Variants in SEL1L3 observed in about 807,000 individuals in gnomAD.
SEL1L3 encodes the protein protein sel-1 homolog 3.
SEL1L3 carries 76 observed loss-of-function variants against 142.8 expected under a neutral mutation model. The ratio of observed to expected loss-of-function variants is 0.53; its 90% confidence interval spans 0.44 to 0.64. SEL1L3 has a LOEUF of 0.64. Among genes scored for constraint, SEL1L3 ranks in the 30% least tolerant of loss-of-function variants. The pLI is 0.00. For synonymous variants in SEL1L3, 504 were observed against 519.6 expected (o/e 0.97, Z 0.41); for missense variants, 1,262 against 1,381.7 (o/e 0.91, Z 1.37).
downstream of SEL1L3, among the ~76,000 whole-genome samples, chr4:25,742,865 A>C (rs921330096): frequency 6.6e-6 from 1 of 152,206 alleles, no homozygotes; most frequent in African/African-American, 2.4e-5. Flanking sequence ...AGCAGAAAGA[A>C]AGACTACCAG....
chr4:25,807,646 A>C (rs925484421), intron 9 of SEL1L3, among the ~76,000 whole-genome samples: 2 of 152,094 alleles, frequency 1.3e-5, no homozygotes, highest in Admixed American at 1.3e-4. Flanking sequence ...TTGCCAGAGT[A>C]CCCGTGGACC....
chr4:25,714,171 A>C, the SEL1L3 span, among the ~76,000 whole-genome samples: 1 of 152,136 alleles, frequency 6.6e-6, no homozygotes, highest in Non-Finnish European at 1.5e-5. Flanking sequence ...AATCTTTATG[A>C]GATTGAGTTC....
intron 20 of SEL1L3, chr4:25,760,123 T>A (rs1303400244): frequency 6.6e-6 from 1 of 152,194 alleles, no homozygotes; most frequent in Non-Finnish European, 1.5e-5. Flanking sequence ...CCCTTCTATG[T>A]GCCCATGTGT....
chr4:25,854,185 G>C (rs1717087593), intron 1 of SEL1L3, among the ~76,000 whole-genome samples: 1 of 152,198 alleles, frequency 6.6e-6, no homozygotes, highest in African/African-American at 2.4e-5. Flanking sequence ...AACTGAATGG[G>C]TGTGGCCGTG....
chr4:25,760,759 C>T (rs1416347549), intron 20 of SEL1L3, among the ~76,000 whole-genome samples: 1 of 152,152 alleles, frequency 6.6e-6, no homozygotes, highest in Non-Finnish European at 1.5e-5. Context: ...CATCGTATGT[C>T]GCAATCATGA....
chr4:25,726,971 T>C, the SEL1L3 span, among the ~76,000 whole-genome samples: 1 of 113,296 alleles, frequency 8.8e-6, no homozygotes, highest in African/African-American at 3.6e-5. Context: ...CAGACAGATC[T>C]TTCTCTCTGT....
At chr4:25,805,570 CT>C (rs1351523175) in intron 9 of SEL1L3, among the ~76,000 whole-genome samples, 1 of 138,698 alleles carries the variant, frequency 7.2e-6, no homozygotes, top group African/African-American at 2.5e-5. Flanking sequence ...GTTTACACAA[CT>C]GCTTTAAGCT....
At chr4:25,768,426 C>T (rs558358417) in intron 17 of SEL1L3, among the ~76,000 whole-genome samples, 6 of 152,300 alleles carry the variant, frequency 3.9e-5, no homozygotes, top group African/African-American at 1.4e-4. Context: ...GTACAAGATT[C>T]ATATTTGGAA....
At chr4:25,809,058 G>A (rs1000017682) in intron 9 of SEL1L3, among the ~76,000 whole-genome samples, 27 of 139,454 alleles carry the variant, frequency 1.9e-4, no homozygotes, top group African/African-American at 5.3e-4. Flanking sequence ...GGGCGACAGA[G>A]TGAGACTCTG....
intron 2 of SEL1L3, among the ~76,000 whole-genome samples, chr4:25,840,941 A>C (rs192611187): frequency 1.3e-5 from 2 of 151,636 alleles, no homozygotes; most frequent in Admixed American, 1.3e-4. Context: ...CCATTTCCCA[A>C]TCCGGAATTT....
chr4:25,855,432 G>A (rs1015977855), intron 1 of SEL1L3, among the ~76,000 whole-genome samples: 3 of 152,186 alleles, frequency 2.0e-5, no homozygotes, highest in African/African-American at 7.2e-5. Context: ...CTGACACACA[G>A]TAAGAATTTA....
At chr4:25,850,975 C>T (rs988142682) in intron 1 of SEL1L3, among the ~76,000 whole-genome samples, 25 of 151,970 alleles carry the variant, frequency 1.6e-4, no homozygotes, top group Admixed American at 2.0e-4. Flanking sequence ...CTCAGCCTCC[C>T]GAGTAGCTGG....
intron 2 of SEL1L3, among the ~76,000 whole-genome samples, chr4:25,846,628 C>T (rs895726866): frequency 4.6e-5 from 7 of 151,992 alleles, no homozygotes; most frequent in Non-Finnish European, 8.8e-5. Flanking sequence ...ATAATAGAGG[C>T]CCCGGCATGG....
intron 1 of SEL1L3, 86 bp downstream of exon 1, chr4:25,862,589 C>T: frequency 3.0e-6 from 2 of 664,036 alleles, no homozygotes; most frequent in South Asian, 1.3e-4. Context: ...GTCCCCGCCC[C>T]GCGTGGCGGG....
chr4:25,776,657 G>A, intron 16 of SEL1L3: 1 of 283,486 alleles, frequency 3.5e-6, no homozygotes, highest in East Asian at 8.2e-5. Flanking sequence ...AAGAGTTCTA[G>A]TACTCTATTA....
intron 1 of SEL1L3, among the ~76,000 whole-genome samples, chr4:25,860,133 T>A (rs900228502): frequency 6.6e-6 from 1 of 152,264 alleles, no homozygotes; most frequent in African/African-American, 2.4e-5. Context: ...ATGGAGATTA[T>A]AGTAGCTCCT....
At chr4:25,795,061 G>C (rs889042786) in intron 11 of SEL1L3, among the ~76,000 whole-genome samples, 1 of 142,426 alleles carries the variant, frequency 7.0e-6, no homozygotes, top group Admixed American at 6.8e-5. Flanking sequence ...CTTGGGGGGT[G>C]GGGGGGAGGG....
At chr4:25,732,756 C>G in the SEL1L3 span, among the ~76,000 whole-genome samples, 2 of 151,568 alleles carry the variant, frequency 1.3e-5, no homozygotes, top group African/African-American at 4.9e-5. Flanking sequence ...GGTGGGGAGT[C>G]GGACAGAGTC....
chr4:25,810,245 T>A (rs1713927703), intron 9 of SEL1L3, among the ~76,000 whole-genome samples: 1 of 152,162 alleles, frequency 6.6e-6, no homozygotes, highest in Admixed American at 6.5e-5. Context: ...AGGGCAGATG[T>A]CCCTGGGGCC....
Sources: gnomAD v4.1 joint callset for allele counts (sites outside exome capture counted in the v4.1 genomes callset) on GRCh38, gnomAD v4.1.1 for gene constraint, MANE v1.5 for transcripts, NCBI Gene and HGNC (gene_info 2026-07-23, HGNC 2026-07-21) for gene names.